The following KHDRBS2 variants were observed in gnomAD, a reference collection of about 807,000 sequenced individuals.
The protein encoded by KHDRBS2 is KH domain-containing, RNA-binding, signal transduction-associated protein 2.
Under a neutral mutation model 44.3 loss-of-function variants are expected in KHDRBS2, and 26 were observed. That is an observed-to-expected ratio of 0.59 (90% CI 0.43 to 0.81). The LOEUF is 0.81. Ranked by LOEUF, KHDRBS2 falls within the 40% of genes least tolerant of loss-of-function variation. KHDRBS2 has a pLI of 0.00. For missense variants in KHDRBS2, 476 were observed against 433.1 expected (o/e 1.10, Z -0.88); for synonymous variants, 194 against 151.1 (o/e 1.28, Z -2.08).
At chr6:61,630,874 C>A in the KHDRBS2 span, among the ~76,000 whole-genome samples, 1 of 152,100 alleles carries the variant, frequency 6.6e-6, no homozygotes, top group South Asian at 2.1e-4. Flanking sequence ...TCTTATATCA[C>A]GATTCTGCAT....
chr6:61,821,835 A>G (rs1177858383), intron 6 of KHDRBS2, among the ~76,000 whole-genome samples: 1 of 151,904 alleles, frequency 6.6e-6, no homozygotes, highest in Non-Finnish European at 1.5e-5. Flanking sequence ...CTGTTAGAGT[A>G]AGAATTCAAC....
At position 62,146,091 on chromosome 6, in the gene KHDRBS2, GT is replaced by G. The variant is rs1165424192; in HGVS notation, c.219+31093del. Among the ~76,000 whole-genome samples the G allele has an allele frequency of 2.6e-5, 4 of 151,842 alleles. No individual in the cohort carries two copies. In the East Asian group the frequency reaches 5.8e-4, roughly 22 times the overall value. ...TGAGACCACTGTCTGTTTTGATTAA[GT>G]CTCTTCCATATCTCTGTCTTCAGAG... On this transcript the variant is annotated intron_variant, in intron 2 of 8. Coordinates refer to ENST00000281156, the MANE Select transcript of KHDRBS2 (RefSeq NM_152688.4).
chr6:61,603,214 C>G, the KHDRBS2 span, among the ~76,000 whole-genome samples: 1 of 152,154 alleles, frequency 6.6e-6, no homozygotes, highest in African/African-American at 2.4e-5. Context: ...TAAAACCAGA[C>G]AGGCCTTACA....
At chr6:61,891,795 T>C (rs1341749524) in intron 6 of KHDRBS2, among the ~76,000 whole-genome samples, 1 of 152,292 alleles carries the variant, frequency 6.6e-6, no homozygotes. Flanking sequence ...GCCAATATCA[T>C]ACTGAATGGG....
chr6:61,924,131 A>C (rs1808541630), intron 4 of KHDRBS2, among the ~76,000 whole-genome samples: 1 of 152,098 alleles, frequency 6.6e-6, no homozygotes, highest in Admixed American at 6.6e-5. Flanking sequence ...TCTTGCTGAG[A>C]AAACCTTGCT....
At chr6:62,142,286 T>C (rs1812992244) in intron 2 of KHDRBS2, among the ~76,000 whole-genome samples, 2 of 152,002 alleles carry the variant, frequency 1.3e-5, no homozygotes, top group South Asian at 4.1e-4. Flanking sequence ...CCTTTTAAAT[T>C]GTCTTGTTTT....
chr6:61,812,963 CTTA>C (rs1788363212), intron 6 of KHDRBS2, among the ~76,000 whole-genome samples: 1 of 151,984 alleles, frequency 6.6e-6, no homozygotes, highest in Non-Finnish European at 1.5e-5. Flanking sequence ...CTTGAAGACA[CTTA>C]TTATTTTATT....
chr6:61,877,582 C>G (rs1799605216), intron 6 of KHDRBS2, among the ~76,000 whole-genome samples: 1 of 151,442 alleles, frequency 6.6e-6, no homozygotes, highest in Non-Finnish European at 1.5e-5. Flanking sequence ...GCTCTGCAAA[C>G]AAAGAAGTAA....
intron 2 of KHDRBS2, among the ~76,000 whole-genome samples, chr6:62,084,135 T>C (rs1288673274): frequency 6.6e-6 from 1 of 152,148 alleles, no homozygotes; most frequent in South Asian, 2.1e-4. Context: ...TATTGAATAA[T>C]GGAGATTGCA....
Position 61,828,558 on chromosome 6 carries a change from G to A in KHDRBS2, c.810+66077C>T, listed in dbSNP as rs969452486. ...AGAGTTTATCATAACCAGTGAGTAAGTCATTAAAAGATATTATTCTTTAAA... is the reference window on the plus strand; with the variant it reads ...AGAGTTTATCATAACCAGTGAGTAAATCATTAAAAGATATTATTCTTTAAA... On this transcript the variant is annotated intron_variant, in intron 6 of 8. Coordinates refer to ENST00000281156, the MANE Select transcript of KHDRBS2 (RefSeq NM_152688.4). Among the ~76,000 whole-genome samples, 4 of 152,154 alleles carry A rather than the reference G, an allele frequency of 2.6e-5. No homozygotes were observed. The South Asian group carries it at 6.2e-4, about 24-fold the overall frequency.
intron 2 of KHDRBS2, among the ~76,000 whole-genome samples, chr6:62,070,111 A>T (rs1794642833): frequency 6.6e-6 from 1 of 151,762 alleles, no homozygotes; most frequent in Non-Finnish European, 1.5e-5. Flanking sequence ...TATTACATTA[A>T]TTGATCTACA....
intron 6 of KHDRBS2, among the ~76,000 whole-genome samples, chr6:61,834,662 G>C (rs1027153145): frequency 6.6e-6 from 1 of 152,056 alleles, no homozygotes; most frequent in Non-Finnish European, 1.5e-5. Flanking sequence ...ACCTTCTCTG[G>C]GTTGTTTGTA....
chr6:61,969,302 G>T (rs1289560969), intron 4 of KHDRBS2, among the ~76,000 whole-genome samples: 1 of 152,010 alleles, frequency 6.6e-6, no homozygotes, highest in East Asian at 1.9e-4. Context: ...TATTCTCCTT[G>T]TATCACTAAC....
chr6:61,981,190 C>T (rs1177610601), intron 3 of KHDRBS2, among the ~76,000 whole-genome samples: 1 of 152,274 alleles, frequency 6.6e-6, no homozygotes, highest in East Asian at 1.9e-4. Flanking sequence ...TACTATTTAG[C>T]CATCCTGGTG....
At chr6:62,183,499 T>C (rs1258268627) in intron 1 of KHDRBS2, among the ~76,000 whole-genome samples, 2 of 151,546 alleles carry the variant, frequency 1.3e-5, no homozygotes, top group South Asian at 2.1e-4. Flanking sequence ...TACATGGTCT[T>C]CCAGATATTT....
intron 2 of KHDRBS2, among the ~76,000 whole-genome samples, chr6:62,063,969 G>A (rs1478275652): frequency 2.9e-4 from 43 of 148,058 alleles, no homozygotes; most frequent in Non-Finnish European, 4.5e-4. Flanking sequence ...AATCACAAGC[G>A]TTCTTATACA....
intron 6 of KHDRBS2, among the ~76,000 whole-genome samples, chr6:61,769,091 C>A (rs1317039515): frequency 2.0e-5 from 3 of 151,904 alleles, no homozygotes; most frequent in Non-Finnish European, 2.9e-5. Flanking sequence ...TCTTTTAAAC[C>A]ATTTTTACAG....
chr6:61,551,927 G>A, the KHDRBS2 span, among the ~76,000 whole-genome samples: 16 of 152,050 alleles, frequency 1.1e-4, no homozygotes, highest in African/African-American at 3.1e-4. Context: ...CCATGTGAAT[G>A]GGATTGCATT....
intron 7 of KHDRBS2, among the ~76,000 whole-genome samples, chr6:61,720,562 A>T (rs200337472): frequency 0.046 from 7,004 of 152,160 alleles, 215 homozygotes; most frequent in Middle Eastern, 0.088. Flanking sequence ...GTTTTTTGGC[A>T]GCATAAATGT....
Sources: allele counts gnomAD v4.1 joint callset (sites outside exome capture counted in the v4.1 genomes callset), GRCh38; gene constraint gnomAD v4.1.1; transcripts MANE v1.5; gene names NCBI Gene and HGNC (gene_info 2026-07-23, HGNC 2026-07-21).